SPOCK3: variants seen among roughly 807,000 people sequenced by gnomAD.
The protein encoded by SPOCK3 is SPARC (osteonectin), cwcv and kazal like domains proteoglycan 3, also known as testican-3.
A neutral mutation model predicts 56.6 loss-of-function variants in SPOCK3; 30 were observed. The observed-to-expected ratio is 0.53, with a 90% confidence interval of 0.40 to 0.72. SPOCK3 has a LOEUF of 0.72. SPOCK3 is among the 30% of genes least tolerant of loss of function. SPOCK3 has a pLI of 0.00. For synonymous variants in SPOCK3, 196 were observed against 183.3 expected (o/e 1.07, Z -0.56); for missense variants, 527 against 530.0 (o/e 0.99, Z 0.06).
At chr4:166,792,397 A>T in intron 6 of SPOCK3, 108 bp from the exon 7 acceptor site, 1 of 1,176,594 alleles carries the variant, frequency 8.5e-7, no homozygotes, top group Non-Finnish European at 1.2e-6. Context: ...CTAAAAGAAA[A>T]AGGTGTGACT....
chr4:166,922,796 G>T (rs1300088088), intron 4 of SPOCK3, among the ~76,000 whole-genome samples: 1 of 152,148 alleles, frequency 6.6e-6, no homozygotes, highest in East Asian at 1.9e-4. Flanking sequence ...GTATGATATT[G>T]CATATAAGTT....
chr4:166,887,950 T>G (rs1016289390), intron 6 of SPOCK3, among the ~76,000 whole-genome samples: 2 of 152,178 alleles, frequency 1.3e-5, no homozygotes, highest in African/African-American at 4.8e-5. Flanking sequence ...ATCTAATGAT[T>G]GAGCACTAAT....
At chr4:167,043,327 G>T (rs993957092) in intron 3 of SPOCK3, among the ~76,000 whole-genome samples, 3 of 151,992 alleles carry the variant, frequency 2.0e-5, no homozygotes, top group African/African-American at 7.2e-5. Context: ...TCTGTATTCT[G>T]CAACCTTGTT....
intron 2 of SPOCK3, among the ~76,000 whole-genome samples, chr4:167,130,273 A>G (rs985537649): frequency 8.5e-5 from 13 of 152,280 alleles, no homozygotes; most frequent in African/African-American, 3.1e-4. Flanking sequence ...GGCAAATCAA[A>G]TATTTTAAAA....
At chr4:167,109,212 TTA>T (rs1415771573) in intron 2 of SPOCK3, among the ~76,000 whole-genome samples, 2,006 of 82,254 alleles carry the variant, frequency 0.024, 65 homozygotes, top group Middle Eastern at 0.032. Context: ...TAAAAATATA[TTA>T]TATATAGTAT....
chr4:167,044,665 T>A (rs116048299), intron 3 of SPOCK3, among the ~76,000 whole-genome samples: 1,895 of 152,258 alleles, frequency 0.012, 19 homozygotes, highest in Non-Finnish European at 0.019. Context: ...GTATTTCTTC[T>A]TTGACACATG....
chr4:167,013,440 TTC>T (rs1205184578), intron 3 of SPOCK3, among the ~76,000 whole-genome samples: 9 of 151,542 alleles, frequency 5.9e-5, no homozygotes, highest in Admixed American at 5.9e-4. Flanking sequence ...CTAATAGGAT[TTC>T]TTTTATAAAA....
rs149351725 is a variant in SPOCK3 at position 166,884,716 on chromosome 4, G to T, written c.589+4414C>A. On this transcript the variant is annotated intron_variant, in intron 6 of 10. Coordinates refer to ENST00000357545, the MANE Select transcript of SPOCK3 (RefSeq NM_001040159.2). ...TGATTTATATATTTTATATTTTACA[G>T]TTGAAGAAATGAGACTCATAAACTT... Among the ~76,000 whole-genome samples, 3 of 152,170 alleles carry T rather than the reference G, an allele frequency of 2.0e-5. No individual in the cohort carries two copies. The East Asian group carries it at 5.8e-4, about 29-fold the overall frequency.
At chr4:167,107,180 CCAGA>C (rs1760237530) in intron 2 of SPOCK3, among the ~76,000 whole-genome samples, 1 of 151,814 alleles carries the variant, frequency 6.6e-6, no homozygotes, top group Non-Finnish European at 1.5e-5. Context: ...GATACCAAAA[CCAGA>C]CAAAGATACA....
At chr4:166,909,684 AG>A (rs1018085614) in intron 5 of SPOCK3, among the ~76,000 whole-genome samples, 26 of 152,192 alleles carry the variant, frequency 1.7e-4, no homozygotes, top group African/African-American at 4.8e-4. Flanking sequence ...AGGACTACTC[AG>A]GGGAGGATTT....
intron 6 of SPOCK3, among the ~76,000 whole-genome samples, chr4:166,841,507 G>A (rs1747327132): frequency 6.6e-6 from 1 of 152,120 alleles, no homozygotes; most frequent in Non-Finnish European, 1.5e-5. Context: ...ATCATTCTCT[G>A]CTTCTTCCAA....
chr4:166,804,697 G>T (rs1323460634), intron 6 of SPOCK3, among the ~76,000 whole-genome samples: 1 of 151,926 alleles, frequency 6.6e-6, no homozygotes, highest in Non-Finnish European at 1.5e-5. Context: ...ACTCATACTT[G>T]CCTATTGCAT....
chr4:167,094,603 A>T (rs1758987374), intron 2 of SPOCK3, among the ~76,000 whole-genome samples: 1 of 152,162 alleles, frequency 6.6e-6, no homozygotes, highest in African/African-American at 2.4e-5. Flanking sequence ...CATTATGAGC[A>T]AACTAGGAAT....
chr4:166,745,815 C>CA (rs1188555163), intron 8 of SPOCK3, among the ~76,000 whole-genome samples: 3 of 151,486 alleles, frequency 2.0e-5, no homozygotes, highest in South Asian at 4.2e-4. Context: ...AAATGTAAAA[C>CA]AAAAAAAGCA....
At position 167,131,053 on chromosome 4, in the gene SPOCK3, T is replaced by C. The variant is rs181624452; in HGVS notation, c.190-68516A>G. ...TAATAGACCTGATATTCTAAATGTA[T>C]ATTAGTTGAATAAATCTAAGGTTCA... On this transcript the variant is annotated intron_variant, in intron 2 of 10. Coordinates refer to ENST00000357545, the MANE Select transcript of SPOCK3 (RefSeq NM_001040159.2). Among the ~76,000 whole-genome samples, 4 of 152,174 alleles carry C rather than the reference T, an allele frequency of 2.6e-5. No individual in the cohort carries two copies. In the East Asian group the frequency reaches 7.8e-4, roughly 30 times the overall value.
chr4:167,217,184 TC>T lies in SPOCK3; in HGVS notation c.189+16800del, dbSNP rs1433568945. Among the ~76,000 whole-genome samples the T allele has an allele frequency of 2.0e-5, 3 of 152,222 alleles. No individual in the cohort carries two copies. In the East Asian group the frequency reaches 5.8e-4, roughly 29 times the overall value. On this transcript the variant is annotated intron_variant, in intron 2 of 10. Coordinates refer to ENST00000357545, the MANE Select transcript of SPOCK3 (RefSeq NM_001040159.2). ...AGTTTGTTAAATAATAATTTGAATA[TC>T]CTTAACAAGTTGGACAATTTTATTT...
chr4:166,992,026 G>A (rs6857340), intron 4 of SPOCK3, among the ~76,000 whole-genome samples: 5,085 of 152,256 alleles, frequency 0.033, 119 homozygotes, highest in Non-Finnish European at 0.052. Flanking sequence ...GGATAGTCTT[G>A]TAATGGGTTT....
At chr4:166,750,723 A>C (rs1436462517) in intron 8 of SPOCK3, among the ~76,000 whole-genome samples, 1 of 152,160 alleles carries the variant, frequency 6.6e-6, no homozygotes, top group Non-Finnish European at 1.5e-5. Flanking sequence ...TTACCCATGA[A>C]ATTTTGAACT....
chr4:167,175,444 T>A (rs1488127529), intron 2 of SPOCK3, among the ~76,000 whole-genome samples: 1 of 152,146 alleles, frequency 6.6e-6, no homozygotes, highest in East Asian at 1.9e-4. Context: ...CACAAAACAA[T>A]GATTATGGAT....
Sources: allele counts gnomAD v4.1 joint callset (sites outside exome capture counted in the v4.1 genomes callset), GRCh38; gene constraint gnomAD v4.1.1; transcripts MANE v1.5; gene names NCBI Gene and HGNC (gene_info 2026-07-23, HGNC 2026-07-21).